Variants in CTTN observed in about 807,000 individuals in gnomAD.
CTTN encodes cortactin.
CTTN carries 28 observed loss-of-function variants against 84.0 expected under a neutral mutation model. The ratio of observed to expected loss-of-function variants is 0.33; its 90% CI spans 0.25 to 0.46. The LOEUF (loss-of-function observed/expected upper bound fraction) is 0.46, where lower values mean the gene tolerates loss of function less well. CTTN is among the 20% of genes least tolerant of loss of function. CTTN has a pLI of 1.00. For missense variants in CTTN, 641 were observed against 723.8 expected (o/e 0.89, Z 1.31); for synonymous variants, 301 against 288.8 (o/e 1.04, Z -0.43).
At chr11:70,426,398 G>A (rs1418137668) in intron 13 of CTTN, among the ~76,000 whole-genome samples, 1 of 147,562 alleles carries the variant, frequency 6.8e-6, no homozygotes, top group Non-Finnish European at 1.5e-5. Context: ...ATGACAGAGC[G>A]AGACTCCGTC....
At chr11:70,425,227 C>G (rs2058288112) in intron 12 of CTTN, 105 bp from the exon 13 acceptor site, 1 of 856,064 alleles carries the variant, frequency 1.2e-6, no homozygotes, top group Non-Finnish European at 1.9e-6. Flanking sequence ...TGTGGCTGGG[C>G]CTTTGGGAAG....
At chr11:70,406,512 A>G (rs2058042171) in intron 2 of CTTN, among the ~76,000 whole-genome samples, 1 of 150,782 alleles carries the variant, frequency 6.6e-6, no homozygotes, top group African/African-American at 2.5e-5. Flanking sequence ...TTCTTTTTAT[A>G]CATAGTTTGA....
chr11:70,418,528 A>G (rs532796500), intron 8 of CTTN, among the ~76,000 whole-genome samples: 2 of 152,310 alleles, frequency 1.3e-5, no homozygotes, highest in South Asian at 2.1e-4. Context: ...TCCATGAGAG[A>G]GTCATGTTTT....
chr11:70,425,023 C>T (rs997065889), intron 12 of CTTN, among the ~76,000 whole-genome samples: 2 of 152,152 alleles, frequency 1.3e-5, no homozygotes, highest in Non-Finnish European at 2.9e-5. Context: ...TAAATGCTCA[C>T]ACCTCTGGGT....
At chr11:70,415,013 C>T (rs901584382) in intron 6 of CTTN, among the ~76,000 whole-genome samples, 5 of 152,120 alleles carry the variant, frequency 3.3e-5, no homozygotes, top group Admixed American at 6.5e-5. Flanking sequence ...AGGATGCGCT[C>T]GTGTCCAGGA....
At chr11:70,426,410 CAAAAA>C (rs889788502) in intron 13 of CTTN, among the ~76,000 whole-genome samples, 11 of 72,674 alleles carry the variant, frequency 1.5e-4, no homozygotes, top group Non-Finnish European at 2.3e-4. Flanking sequence ...GACTCCGTCT[CAAAAA>C]AAAAAAAAAA....
chr11:70,433,837 T>C, intron 17 of CTTN, 119 bp downstream of exon 17: 1 of 746,424 alleles, frequency 1.3e-6, no homozygotes, highest in East Asian at 2.6e-5. Context: ...TATGTTGAGA[T>C]AATTTCAGAG....
chr11:70,410,024 AGAGTCGTCCCTCAGTCTTTC>A, intron 5 of CTTN, 64 bp downstream of exon 5: 2 of 1,576,650 alleles, frequency 1.3e-6, no homozygotes, highest in African/African-American at 2.7e-5. Flanking sequence ...ACTGGGTGGC[AGAGTCGTCCCTCAGTCTTTC>A]CTTAGATCAG....
In CTTN at chr11:70,435,667, A is replaced by G; in HGVS notation, c.*505A>G. 2 of 1,597,170 alleles carry G rather than the reference A, an allele frequency of 1.3e-6. No individual in the cohort carries two copies. Among genetic ancestry groups the G allele is most frequent in the Middle Eastern group, 3.3e-4 (2 of 6,060 alleles). On this transcript the variant is annotated 3_prime_UTR_variant, in exon 18 of 18. Transcript: ENST00000301843. ...GCCTGATGGAAGTTAACCCGGAGCT[A>G]AGTCACCCAGAGCACAGGAGCTGCC...
chr11:70,419,361 C>T (rs57025393), intron 8 of CTTN, among the ~76,000 whole-genome samples: 9 of 151,952 alleles, frequency 5.9e-5, no homozygotes, highest in Admixed American at 6.5e-5. Context: ...CCACCCACCT[C>T]GACCTCCCAA....
chr11:70,413,020 C>T (rs1015704812), intron 5 of CTTN, among the ~76,000 whole-genome samples: 2 of 152,312 alleles, frequency 1.3e-5, no homozygotes, highest in East Asian at 1.9e-4. Flanking sequence ...CCGGAGGACA[C>T]GGATGGGCAG....
intron 1 of CTTN, among the ~76,000 whole-genome samples, chr11:70,404,556 T>C (rs1489750311): frequency 6.6e-6 from 1 of 152,270 alleles, no homozygotes; most frequent in Non-Finnish European, 1.5e-5. Context: ...GGAGTGTTTT[T>C]CTTATATTAT....
chr11:70,433,742 G>A (rs2058382449), intron 17 of CTTN, 24 bp downstream of exon 17: 1 of 1,561,960 alleles, frequency 6.4e-7, no homozygotes, highest in East Asian at 2.2e-5. Flanking sequence ...AAAAGCACTT[G>A]GAGGGGAGAC....
At position 70,405,258 on chromosome 11, in the gene CTTN, T is replaced by C. The variant is rs1047013986; in HGVS notation, c.-97-7T>C. 6.6e-6 allele frequency: 1 copy of C among 152,166 alleles called. No homozygotes were observed. The highest frequency in any genetic ancestry group is 1.5e-5 in the Non-Finnish European group (1 of 68,032). The allele number at this position is 152,166 out of a possible 1,614,324, so 9.4% of individuals were successfully genotyped here. A position where few individuals can be genotyped will look rare whatever the true frequency, so the allele number is the denominator to read the frequency against. On this transcript the variant is annotated splice_region_variant and splice_polypyrimidine_tract_variant and intron_variant, in intron 1 of 17. Coordinates refer to ENST00000301843, the MANE Select transcript of CTTN (RefSeq NM_005231.4). ...TTCTCAGCTTTTTACCCTTAATCTT[T>C]TTACAGACGGAATCAGTCCCCAATG...
At chr11:70,420,361 C>T in intron 9 of CTTN, 39 bp from the exon 10 acceptor site, 2 of 1,352,046 alleles carry the variant, frequency 1.5e-6, no homozygotes, top group Non-Finnish European at 2.1e-6. Context: ...CCTGCACTAC[C>T]TGTTAATGAT....
chr11:70,431,518 C>T (rs551914370), intron 15 of CTTN, among the ~76,000 whole-genome samples: 2 of 152,214 alleles, frequency 1.3e-5, no homozygotes, highest in Non-Finnish European at 2.9e-5. Context: ...CCCTCTGCAG[C>T]CTGTTGTAGT....
chr11:70,431,400 C>T (rs2058352860), intron 15 of CTTN, 120 bp downstream of exon 15: 1 of 1,047,242 alleles, frequency 9.5e-7, no homozygotes. Flanking sequence ...GAGGGCATCG[C>T]TGCATTCCAC....
chr11:70,422,280 A>C, intron 11 of CTTN: 1 of 350,896 alleles, frequency 2.8e-6, no homozygotes, highest in Non-Finnish European at 5.7e-6. Flanking sequence ...CTAACCTTGC[A>C]GGGAAGACTC....
chr11:70,404,492 G>C (rs892512173), intron 1 of CTTN, among the ~76,000 whole-genome samples: 1 of 152,152 alleles, frequency 6.6e-6, no homozygotes, highest in Middle Eastern at 3.2e-3. Context: ...CTCATGTCTT[G>C]ATAGACAGTC....
Sources: gnomAD v4.1 joint callset for allele counts (sites outside exome capture counted in the v4.1 genomes callset) on GRCh38, gnomAD v4.1.1 for gene constraint, MANE v1.5 for transcripts, NCBI Gene and HGNC (gene_info 2026-07-23, HGNC 2026-07-21) for gene names.